DISP1: variants seen among roughly 807,000 people sequenced by gnomAD.
The protein encoded by DISP1 is dispatched RND transporter family member 1.
In DISP1, 30 loss-of-function variants were observed where a neutral mutation model predicts 37.3. That is an observed-to-expected ratio of 0.80 (90% CI 0.60 to 1.09). The LOEUF (loss-of-function observed/expected upper bound fraction) is 1.09. Ranked by LOEUF, DISP1 falls within the 50% of genes least tolerant of loss-of-function variation. The pLI is 0.00. For synonymous variants in DISP1, 634 were observed against 690.2 expected, an observed-to-expected ratio of 0.92 and a Z score of 1.28; for missense variants, 1,598 against 1,879.5, an observed-to-expected ratio of 0.85 and a Z score of 2.77.
At chr1:222,907,511 C>G (rs1443667585) in intron 1 of DISP1, among the ~76,000 whole-genome samples, 2 of 152,058 alleles carry the variant, frequency 1.3e-5, no homozygotes, top group East Asian at 3.9e-4. Flanking sequence ...AGTGGGCCCT[C>G]CAGGGGATTC....
intron 3 of DISP1, among the ~76,000 whole-genome samples, chr1:222,950,444 C>A (rs371027690): frequency 9.2e-5 from 14 of 151,948 alleles, no homozygotes; most frequent in Non-Finnish European, 1.8e-4. Context: ...ACTAAAAATA[C>A]AAAAAATTAG....
rs553015904 is a variant in DISP1, at chr1:222,977,735, T to A, written c.510-5345T>A. 3.0e-3 allele frequency among the ~76,000 whole-genome samples: 459 copies of A among 151,964 alleles called. 5 individuals are homozygous for A. The highest frequency in any genetic ancestry group is 0.01 in the African/African-American group (419 of 41,466). Reference sequence around the variant, plus strand: ...GGTGTGTGATATTCCCCTTCCTGTGTCCATGTGTTCTCATTGTTCAATTCC... The same window carrying A: ...GGTGTGTGATATTCCCCTTCCTGTGACCATGTGTTCTCATTGTTCAATTCC... On this transcript the variant is annotated intron_variant, in intron 3 of 8. Coordinates refer to ENST00000675850, the MANE Select transcript of DISP1 (RefSeq NM_001377229.1).
chr1:222,881,719 C>G (rs1346907019), intron 1 of DISP1, among the ~76,000 whole-genome samples: 1 of 152,172 alleles, frequency 6.6e-6, no homozygotes, highest in Non-Finnish European at 1.5e-5. Flanking sequence ...ATAATATTTT[C>G]AGTTGTTTCA....
chr1:222,862,007 A>C (rs1157409135), intron 1 of DISP1, among the ~76,000 whole-genome samples: 2 of 152,180 alleles, frequency 1.3e-5, no homozygotes, highest in Admixed American at 1.3e-4. Flanking sequence ...TAATTTTGCG[A>C]CCTGTTTTTC....
At chr1:222,883,316 C>G (rs988451025) in intron 1 of DISP1, among the ~76,000 whole-genome samples, 1 of 152,016 alleles carries the variant, frequency 6.6e-6, no homozygotes, top group Non-Finnish European at 1.5e-5. Context: ...TTTTCAATGT[C>G]CACATTTTTC....
chr1:222,829,056 CTATT>C (rs992639529), intron 1 of DISP1, among the ~76,000 whole-genome samples: 65 of 152,150 alleles, frequency 4.3e-4, no homozygotes, highest in African/African-American at 1.3e-3. Context: ...AAGAAATAAA[CTATT>C]TGTTTGATGA....
Position 223,004,659 on chromosome 1 carries a change from C to G in DISP1, c.3262C>G (p.Leu1088Val). The change falls in exon 9 of 9, where the codon CTG (leucine) becomes GTG (valine). Residue 1088 changes from leucine (L) to valine (V), a missense_variant. Coordinates refer to ENST00000675850, the MANE Select transcript of DISP1 (RefSeq NM_001377229.1). The surrounding 1 kb of genome is among the most constrained non-coding windows in gnomAD (Gnocchi z 4.9). ...GGGCTCTGCGATGGCCATGGCTGCC[C>G]TGACCACCTTCGTGGCAGGGGCCAT... ...RVGSAMAMAA[L>V]TTFVAGAMMM... is the part of the protein sequence containing the mutation. 1 of 1,614,168 alleles carries G rather than the reference C, an allele frequency of 6.2e-7. No individual in the cohort carries two copies. The highest frequency in any genetic ancestry group is 8.5e-7 in the Non-Finnish European group (1 of 1,180,046).
rs768811590 is a variant in DISP1 at position 222,893,675 on chromosome 1, G to A, written c.-158-34755G>A. Among the ~76,000 whole-genome samples, 4 of 152,228 alleles carry A rather than the reference G, an allele frequency of 2.6e-5. No individual in the cohort carries two copies. The highest frequency in any genetic ancestry group is 5.9e-5 in the Non-Finnish European group (4 of 68,050). On this transcript the variant is annotated intron_variant, in intron 1 of 8. Transcript: ENST00000675850. This position sits in a 1 kb window ranked among gnomAD's most constrained non-coding sequence, Gnocchi z 4.3. ...CATGTCTGGATGAGGGGAATGTGGT[G>A]GTGCCTGGAAGCTTGGAGATGCCAG...
intron 1 of DISP1, among the ~76,000 whole-genome samples, chr1:222,913,166 C>A (rs1672302826): frequency 6.6e-6 from 1 of 152,268 alleles, no homozygotes; most frequent in East Asian, 1.9e-4. Flanking sequence ...GCCTGTACCC[C>A]ACCTTCTTGG....
intron 1 of DISP1, among the ~76,000 whole-genome samples, chr1:222,843,644 A>AT (rs1378055917): frequency 3.3e-5 from 5 of 152,102 alleles, no homozygotes; most frequent in Non-Finnish European, 7.4e-5. Flanking sequence ...GAAAGGAGTG[A>AT]TTAATAATTA....
chr1:222,830,436 C>T (rs1237265353), intron 1 of DISP1, among the ~76,000 whole-genome samples: 1 of 151,502 alleles, frequency 6.6e-6, no homozygotes, highest in Non-Finnish European at 1.5e-5. Context: ...GCTGGAGTGC[C>T]GTGGCCCGAT....
chr1:222,887,495 T>A (rs201922901), intron 1 of DISP1, among the ~76,000 whole-genome samples: 2 of 103,026 alleles, frequency 1.9e-5, no homozygotes, highest in Admixed American at 8.3e-5. Context: ...TGTTTTTTTT[T>A]TTTTTTTTTT....
At chr1:222,914,322 A>C (rs1250074103) in intron 1 of DISP1, among the ~76,000 whole-genome samples, 4 of 152,156 alleles carry the variant, frequency 2.6e-5, no homozygotes, top group Non-Finnish European at 5.9e-5. Context: ...TTATGCTTTG[A>C]AGTTGGGTTC....
chr1:222,937,615 A>G (rs1003320972), intron 2 of DISP1, among the ~76,000 whole-genome samples: 1 of 152,174 alleles, frequency 6.6e-6, no homozygotes, highest in Non-Finnish European at 1.5e-5. Flanking sequence ...TTGTAGCCCC[A>G]AAATTGCTAA....
At chr1:222,941,435 T>TTA (rs1336103937) in intron 2 of DISP1, among the ~76,000 whole-genome samples, 1 of 152,198 alleles carries the variant, frequency 6.6e-6, no homozygotes, top group Admixed American at 6.5e-5. Context: ...CTACTTGATT[T>TTA]TATATATATT....
chr1:223,003,289 G>A lies in DISP1; in HGVS notation c.1892G>A (p.Arg631Gln), dbSNP rs368949985. 2.0e-5 allele frequency: 32 copies of A among 1,614,052 alleles called. No individual in the cohort carries two copies. Among genetic ancestry groups the A allele is most frequent in the African/African-American group, 1.6e-4 (12 of 74,920 alleles). ...ANYVSNITAI[R>Q]CFGVYAGTAI... is the part of the protein sequence containing the mutation. Reference sequence around the variant, plus strand: ...TATGTTAGCAACATTACAGCAATCCGATGCTTTGGGGTTTATGCGGGGACA... The same window carrying A: ...TATGTTAGCAACATTACAGCAATCCAATGCTTTGGGGTTTATGCGGGGACA... The change falls in exon 9 of 9, where the codon CGA (arginine) becomes CAA (glutamine). Residue 631 changes from arginine to glutamine, a missense_variant. Physicochemically the swap from Arg to Gln is conservative, Grantham distance 43. Coordinates refer to ENST00000675850, the MANE Select transcript of DISP1 (RefSeq NM_001377229.1). This position sits in a 1 kb window ranked among gnomAD's most constrained non-coding sequence, Gnocchi z 4.3.
At chr1:222,993,704 A>G (rs1260290218) in intron 7 of DISP1, among the ~76,000 whole-genome samples, 1 of 152,216 alleles carries the variant, frequency 6.6e-6, no homozygotes, top group African/African-American at 2.4e-5. Context: ...TCTCTCAATC[A>G]AAGTATTAGT....
chr1:222,902,290 A>G (rs1369458909), intron 1 of DISP1, among the ~76,000 whole-genome samples: 1 of 152,134 alleles, frequency 6.6e-6, no homozygotes, highest in Non-Finnish European at 1.5e-5. Flanking sequence ...TCTTGTGGGC[A>G]TTTAGTGCTG....
intron 1 of DISP1, chr1:222,831,129 A>C (rs544696901): frequency 2.6e-5 from 4 of 152,346 alleles, no homozygotes; most frequent in South Asian, 4.1e-4. Context: ...TTAATTGTAC[A>C]GAACCATTAA....
Sources: gnomAD v4.1 joint callset for allele counts (sites outside exome capture counted in the v4.1 genomes callset) on GRCh38, gnomAD v4.1.1 for gene constraint, Gnocchi (gnomAD v3.1) non-coding constraint, MANE v1.5 for transcripts, NCBI Gene and HGNC (gene_info 2026-07-23, HGNC 2026-07-21) for gene names.